PROS1: variants seen among roughly 807,000 people sequenced by gnomAD.
PROS1 encodes the protein protein S, also known as vitamin K-dependent protein S.
PROS1 carries 29 observed loss-of-function variants against 75.9 expected under a neutral mutation model. That is an observed-to-expected ratio of 0.38 (90% confidence interval 0.28 to 0.52). The LOEUF is 0.52. PROS1 is among the 20% of genes least tolerant of loss of function. The pLI, the probability that PROS1 is intolerant of heterozygous loss-of-function variation, is 0.83. For missense variants in PROS1, 680 were observed against 810.3 expected (o/e 0.84, Z 1.95); for synonymous variants, 245 against 280.6 (o/e 0.87, Z 1.27).
rs527554687 is a variant in PROS1, at chr3:93,882,616, A to T, written c.1492+2112T>A. On this transcript the variant is annotated intron_variant, in intron 12 of 14. Coordinates refer to ENST00000394236, the MANE Select transcript of PROS1 (RefSeq NM_000313.4). ...AAATGCCATGCAATTTGGTAAAAAT[A>T]ATTTAGGTAAAGATTTAAACAAATT... Among the ~76,000 whole-genome samples, 22 of 152,294 alleles carry T rather than the reference A, an allele frequency of 1.4e-4. No individual in the cohort carries two copies. In the South Asian group the frequency reaches 4.3e-3, roughly 30 times the overall value.
intron 1 of PROS1, among the ~76,000 whole-genome samples, chr3:93,949,306 A>T (rs1036586720): frequency 2.0e-5 from 3 of 152,184 alleles, no homozygotes; most frequent in Admixed American, 2.0e-4. Context: ...ATAAACTCAC[A>T]ATCAATGTCA....
At chr3:93,972,146 C>A (rs1342318583) in intron 1 of PROS1, among the ~76,000 whole-genome samples, 3 of 152,158 alleles carry the variant, frequency 2.0e-5, no homozygotes, top group African/African-American at 7.2e-5. Flanking sequence ...TCTATGATGA[C>A]AAGGAGTTAA....
chr3:93,943,487 T>C (rs1263160295), intron 1 of PROS1, among the ~76,000 whole-genome samples: 1 of 151,910 alleles, frequency 6.6e-6, no homozygotes, highest in African/African-American at 2.4e-5. Flanking sequence ...CCCCACAATA[T>C]CACCCCTTAC....
At chr3:93,898,069 A>C (rs557615862) in intron 8 of PROS1, among the ~76,000 whole-genome samples, 1 of 152,098 alleles carries the variant, frequency 6.6e-6, no homozygotes, top group Non-Finnish European at 1.5e-5. Flanking sequence ...AGTGGAATCC[A>C]GAAAAGTAGA....
intron 4 of PROS1, among the ~76,000 whole-genome samples, chr3:93,908,346 C>G (rs553133600): frequency 6.6e-6 from 1 of 152,136 alleles, no homozygotes; most frequent in Non-Finnish European, 1.5e-5. Flanking sequence ...CACATTACTG[C>G]CTGGAGATAG....
chr3:93,915,879 A>G (rs1381382931), intron 3 of PROS1, among the ~76,000 whole-genome samples: 1 of 152,084 alleles, frequency 6.6e-6, no homozygotes, highest in Non-Finnish European at 1.5e-5. Flanking sequence ...GCCTTTAGCC[A>G]TTACCCAGTT....
At chr3:93,875,646 CTAT>C (rs1708172190) in intron 14 of PROS1, among the ~76,000 whole-genome samples, 2 of 151,136 alleles carry the variant, frequency 1.3e-5, no homozygotes, top group East Asian at 1.9e-4. Flanking sequence ...ATCTATCTAT[CTAT>C]CTATCTATCT....
At position 93,920,115 on chromosome 3, in the gene PROS1, T is replaced by G. The variant is rs570209267; in HGVS notation, c.259+4125A>C. Among the ~76,000 whole-genome samples the G allele has an allele frequency of 3.9e-5, 6 of 152,262 alleles. No individual in the cohort carries two copies. The South Asian group carries it at 1.2e-3, about 32-fold the overall frequency. ...TGCTCTGAACATATAAATTTGAGGA[T>G]GGCCACACATAGTACCTCACACCTA... is the stretch of plus-strand genomic sequence containing the variant. On this transcript the variant is annotated intron_variant, in intron 3 of 14. Transcript: ENST00000394236.
At chr3:93,932,248 T>A (rs1709117090) in intron 1 of PROS1, among the ~76,000 whole-genome samples, 1 of 152,246 alleles carries the variant, frequency 6.6e-6, no homozygotes, top group African/African-American at 2.4e-5. Flanking sequence ...CTAAGTAGAT[T>A]AAAATTTTCC....
At chr3:93,938,177 C>A (rs1305535974) in intron 1 of PROS1, among the ~76,000 whole-genome samples, 1 of 152,188 alleles carries the variant, frequency 6.6e-6, no homozygotes, top group Non-Finnish European at 1.5e-5. Flanking sequence ...CCTGCCTTAA[C>A]TGATGACATT....
At chr3:93,879,602 C>A (rs1708246224) in intron 12 of PROS1, among the ~76,000 whole-genome samples, 1 of 152,012 alleles carries the variant, frequency 6.6e-6, no homozygotes, top group South Asian at 2.1e-4. Context: ...TTTAACAGTG[C>A]TTCCTTCTCC....
At chr3:93,947,037 C>T (rs1053376907) in intron 1 of PROS1, among the ~76,000 whole-genome samples, 5 of 152,142 alleles carry the variant, frequency 3.3e-5, no homozygotes, top group Admixed American at 6.5e-5. Context: ...CAAAAGAAGA[C>T]ATTTATGCAG....
At position 93,934,008 on chromosome 3, in the gene PROS1, C is replaced by CAA. The variant is rs60441503; in HGVS notation, c.77-6603_77-6602dup. Among the ~76,000 whole-genome samples, 509 of 88,514 alleles carry CAA rather than the reference C, an allele frequency of 5.8e-3. 6 individuals are homozygous for CAA. The highest frequency in any genetic ancestry group is 0.023 in the African/African-American group (469 of 20,808). The allele number at this position is 88,514 out of a possible 152,430, so 58.1% of individuals were successfully genotyped here. A position where few individuals can be genotyped will look rare whatever the true frequency, so the allele number is the denominator to read the frequency against. The stretch of plus-strand genomic sequence containing the variant: ...TGGGCGACAGAAAGAGACTCTGTCT[C>CAA]AAAAAAAAAAAAAAAAAAAAATTTA... On this transcript the variant is annotated intron_variant, in intron 1 of 14. Transcript: ENST00000394236.
chr3:93,965,414 G>A (rs1247937380), intron 1 of PROS1, among the ~76,000 whole-genome samples: 1 of 152,196 alleles, frequency 6.6e-6, no homozygotes, highest in African/African-American at 2.4e-5. Flanking sequence ...CATTGTTCCT[G>A]CATGGCTAAG....
At chr3:93,904,576 A>G (rs1163995000) in intron 6 of PROS1, among the ~76,000 whole-genome samples, 1 of 152,214 alleles carries the variant, frequency 6.6e-6, no homozygotes, top group East Asian at 1.9e-4. Flanking sequence ...TATAAAATAA[A>G]GAGTCGAACA....
chr3:93,916,188 T>C (rs1261427187), intron 3 of PROS1, among the ~76,000 whole-genome samples: 1 of 152,042 alleles, frequency 6.6e-6, no homozygotes, highest in Non-Finnish European at 1.5e-5. Flanking sequence ...ACCTAAGTAG[T>C]TTTAGGTCTC....
chr3:93,923,115 G>A (rs1708966968), intron 3 of PROS1, among the ~76,000 whole-genome samples: 1 of 152,106 alleles, frequency 6.6e-6, no homozygotes, highest in Non-Finnish European at 1.5e-5. Flanking sequence ...TTTTGTTTTA[G>A]TTTGTTTTAT....
intron 1 of PROS1, among the ~76,000 whole-genome samples, chr3:93,933,692 G>A (rs776456716): frequency 1.2e-4 from 18 of 152,316 alleles, no homozygotes; most frequent in Non-Finnish European, 2.4e-4. Context: ...GGGAGGCCGA[G>A]GTGAGCTGAT....
At chr3:93,957,719 C>T (rs8178595) in intron 1 of PROS1, among the ~76,000 whole-genome samples, 8,058 of 152,176 alleles carry the variant, frequency 0.053, 340 homozygotes, top group Non-Finnish European at 0.078. Flanking sequence ...TCCAGGACCC[C>T]GGCAGATATA....
Sources: gnomAD v4.1 joint callset for allele counts (sites outside exome capture counted in the v4.1 genomes callset) on GRCh38, gnomAD v4.1.1 for gene constraint, MANE v1.5 for transcripts, NCBI Gene and HGNC (gene_info 2026-07-23, HGNC 2026-07-21) for gene names.